The following ME2 variants were observed in gnomAD, a reference collection of about 807,000 sequenced individuals.
ME2 encodes NAD-dependent malic enzyme, mitochondrial.
In ME2, 60 loss-of-function variants were observed where a neutral mutation model predicts 73.7. That is an observed-to-expected ratio of 0.81 (90% CI 0.66 to 1.01). The LOEUF (loss-of-function observed/expected upper bound fraction) is 1.01. Ranked by LOEUF, ME2 falls within the 50% of genes least tolerant of loss-of-function variation. The pLI, the probability that ME2 is intolerant of heterozygous loss-of-function variation, is 0.00. For synonymous variants in ME2, 199 were observed against 236.9 expected (o/e 0.84, Z 1.47); for missense variants, 594 against 705.5 (o/e 0.84, Z 1.79).
intron 13 of ME2, among the ~76,000 whole-genome samples, chr18:50,937,481 A>C (rs1183298792): frequency 6.6e-6 from 1 of 152,184 alleles, no homozygotes; most frequent in African/African-American, 2.4e-5. Context: ...CTTAACTCTT[A>C]AATGTGAGAA....
At chr18:50,923,748 C>A (rs1917481517) in intron 10 of ME2, among the ~76,000 whole-genome samples, 1 of 152,040 alleles carries the variant, frequency 6.6e-6, no homozygotes. Flanking sequence ...ATAAATAAAT[C>A]AAATTAAATT....
At position 50,926,690 on chromosome 18, in the gene ME2, A is replaced by G. The variant is rs116154655; in HGVS notation, c.1314+792A>G. On this transcript the variant is annotated intron_variant, in intron 12 of 15. Coordinates refer to ENST00000321341, the MANE Select transcript of ME2 (RefSeq NM_002396.5). Reference sequence around the variant, plus strand: ...TTTTACACTGTTTTCTATATTTACTATCTCTCTTGCTTTCTGTGTTTCAAT... The same window carrying G: ...TTTTACACTGTTTTCTATATTTACTGTCTCTCTTGCTTTCTGTGTTTCAAT... Among the ~76,000 whole-genome samples the G allele has an allele frequency of 8.8e-3, 1,343 of 152,082 alleles. 22 individuals carry two copies. Among genetic ancestry groups the G allele is most frequent in the African/African-American group, 0.031 (1,285 of 41,468 alleles).
intron 1 of ME2, among the ~76,000 whole-genome samples, chr18:50,893,751 T>A (rs1305750014): frequency 6.6e-6 from 1 of 152,222 alleles, no homozygotes; most frequent in South Asian, 2.1e-4. Flanking sequence ...CTGCTGCCTT[T>A]TCCTCTTACT....
At chr18:50,914,055 A>G (rs1917229398) in intron 4 of ME2, among the ~76,000 whole-genome samples, 1 of 152,162 alleles carries the variant, frequency 6.6e-6, no homozygotes, top group African/African-American at 2.4e-5. Context: ...TAATGTGTGT[A>G]AGAAATACCT....
Position 50,949,514 on chromosome 18 carries a change from T to G in ME2, c.*2330T>G, listed in dbSNP as rs1918172006. The G allele has an allele frequency of 6.6e-6, 1 of 152,182 alleles. No individual in the cohort carries two copies. Among genetic ancestry groups the G allele is most frequent in the African/African-American group, 2.4e-5 (1 of 41,440 alleles). 9.4% of individuals were successfully genotyped at this position (152,182 alleles called of 1,614,324 possible). On this transcript the variant is annotated 3_prime_UTR_variant, in exon 16 of 16. Transcript: ENST00000321341. Reference sequence around the variant, plus strand: ...GCACCTGGCTGAGAGGCTTCTGTTTTTCATGTTCCCTTTATCAAAACAAAA... The same window carrying G: ...GCACCTGGCTGAGAGGCTTCTGTTTGTCATGTTCCCTTTATCAAAACAAAA...
chr18:50,909,686 T>A (rs61414756), intron 3 of ME2, among the ~76,000 whole-genome samples: 127 of 152,274 alleles, frequency 8.3e-4, no homozygotes, highest in African/African-American at 2.8e-3. Flanking sequence ...AAATGTAAAC[T>A]ACCCTTACAA....
chr18:50,894,313 C>T (rs1283329704), intron 1 of ME2, among the ~76,000 whole-genome samples: 1 of 152,214 alleles, frequency 6.6e-6, no homozygotes, highest in Non-Finnish European at 1.5e-5. Flanking sequence ...CCTGTAATCT[C>T]AGCACTTTGG....
At chr18:50,897,429 A>G (rs1247243408) in intron 2 of ME2, among the ~76,000 whole-genome samples, 2 of 152,188 alleles carry the variant, frequency 1.3e-5, no homozygotes, top group African/African-American at 4.8e-5. Context: ...ATACTTCCCT[A>G]AAGAAAATAA....
At chr18:50,906,851 C>G (rs1332130905) in intron 2 of ME2, among the ~76,000 whole-genome samples, 1 of 152,150 alleles carries the variant, frequency 6.6e-6, no homozygotes, top group African/African-American at 2.4e-5. Flanking sequence ...TTAAGGTTAG[C>G]CAGAGGTGTG....
chr18:50,883,492 T>C (rs1448213138), intron 1 of ME2, among the ~76,000 whole-genome samples: 1 of 152,204 alleles, frequency 6.6e-6, no homozygotes, highest in Non-Finnish European at 1.5e-5. Context: ...GGTAGTTCTT[T>C]TGTCTGTGCT....
At chr18:50,885,764 T>C (rs1442313248) in intron 1 of ME2, among the ~76,000 whole-genome samples, 1 of 152,146 alleles carries the variant, frequency 6.6e-6, no homozygotes, top group Non-Finnish European at 1.5e-5. Context: ...AACATGTATA[T>C]ATAATTTGTA....
intron 2 of ME2, among the ~76,000 whole-genome samples, chr18:50,904,247 A>G (rs1479869953): frequency 6.6e-6 from 1 of 151,002 alleles, no homozygotes; most frequent in Admixed American, 6.6e-5. Flanking sequence ...CCTTACAGAC[A>G]GCATATAATT....
At chr18:50,932,402 T>A in intron 13 of ME2, 42 bp downstream of exon 13, 1 of 1,447,694 alleles carries the variant, frequency 6.9e-7, no homozygotes, top group Non-Finnish European at 9.7e-7. Context: ...AATAGTTAAT[T>A]ATGTAAAAAT....
intron 2 of ME2, among the ~76,000 whole-genome samples, chr18:50,897,474 C>G (rs1160253258): frequency 6.6e-6 from 1 of 152,152 alleles, no homozygotes; most frequent in Non-Finnish European, 1.5e-5. Context: ...TCCTGTAATC[C>G]CAGCACCTTG....
At chr18:50,917,836 G>T (rs994616574) in intron 6 of ME2, among the ~76,000 whole-genome samples, 3 of 152,070 alleles carry the variant, frequency 2.0e-5, no homozygotes, top group Non-Finnish European at 2.9e-5. Context: ...TTAGCTGGGC[G>T]TGGTGGCACA....
intron 7 of ME2, among the ~76,000 whole-genome samples, chr18:50,918,482 C>A (rs1042009497): frequency 3.9e-5 from 6 of 152,274 alleles, no homozygotes; most frequent in Middle Eastern, 3.4e-3. Flanking sequence ...GCTTACTGCT[C>A]AGTACCTTTT....
intron 12 of ME2, among the ~76,000 whole-genome samples, chr18:50,929,846 G>A (rs533799094): frequency 1.2e-4 from 19 of 152,188 alleles, no homozygotes; most frequent in African/African-American, 3.9e-4. Context: ...ATCATGGATC[G>A]TTGACATTTC....
At chr18:50,946,981 C>T (rs370925956) in intron 15 of ME2, 36 bp from the exon 16 acceptor site, 2 of 1,509,220 alleles carry the variant, frequency 1.3e-6, no homozygotes, top group African/African-American at 1.4e-5. Context: ...TAGGTTAATA[C>T]TCAGAGCCTA....
chr18:50,912,918 C>G lies in ME2; in HGVS notation c.360C>G (p.Cys120Trp). 6.2e-7 allele frequency: 1 copy of G among 1,610,716 alleles called. No individual in the cohort carries two copies. Among genetic ancestry groups the G allele is most frequent in the Non-Finnish European group, 8.5e-7 (1 of 1,178,848 alleles). ...ATACACCGACGGTTGGTCTTGCCTGCTCCCAGTATGGACACATCTTTAGAA... is the reference window on the plus strand; with the variant it reads ...ATACACCGACGGTTGGTCTTGCCTGGTCCCAGTATGGACACATCTTTAGAA... ...IVYTPTVGLA[C>W]SQYGHIFRRP... The change falls in exon 4 of 16, where the codon TGC (cysteine) becomes TGG (tryptophan). Residue 120 changes from cysteine (C) to tryptophan (W), a missense_variant. Cys to Trp is a radical substitution (Grantham distance 215). Coordinates refer to ENST00000321341, the MANE Select transcript of ME2 (RefSeq NM_002396.5).
Sources: allele counts gnomAD v4.1 joint callset (sites outside exome capture counted in the v4.1 genomes callset), GRCh38; gene constraint gnomAD v4.1.1; transcripts MANE v1.5; gene names NCBI Gene and HGNC (gene_info 2026-07-23, HGNC 2026-07-21).